The following TGFBR3 variants were observed in gnomAD, a reference collection of about 807,000 sequenced individuals.
TGFBR3 encodes the protein transforming growth factor beta receptor type 3.
TGFBR3 carries 46 observed loss-of-function variants against 87.9 expected under a neutral mutation model. The observed-to-expected ratio is 0.52, with a 90% confidence interval of 0.41 to 0.67. The LOEUF (loss-of-function observed/expected upper bound fraction) is 0.67. TGFBR3 is among the 30% of genes least tolerant of loss of function. The pLI is 0.00. For missense variants in TGFBR3, 866 were observed against 1,041.9 expected (o/e 0.83, Z 2.32); for synonymous variants, 381 against 391.6 (o/e 0.97, Z 0.32).
chr1:91,790,125 G>A (rs924103920), intron 3 of TGFBR3, among the ~76,000 whole-genome samples: 1 of 152,166 alleles, frequency 6.6e-6, no homozygotes, highest in African/African-American at 2.4e-5. Flanking sequence ...AAATAGTACA[G>A]GCATGGGCCA....
intron 4 of TGFBR3, among the ~76,000 whole-genome samples, chr1:91,746,294 AAACT>A (rs1181337429): frequency 1.3e-5 from 2 of 152,238 alleles, no homozygotes; most frequent in Middle Eastern, 3.2e-3. Context: ...TCTAAAAAAC[AAACT>A]AAGTCCCCAC....
Position 91,861,657 on chromosome 1 carries a change from T to C in TGFBR3, c.-113-13A>G. The C allele has an allele frequency of 1.4e-6, 1 of 730,556 alleles. No individual in the cohort carries two copies. Among genetic ancestry groups the C allele is most frequent in the East Asian group, 2.7e-5 (1 of 36,858 alleles). 45.3% of individuals were successfully genotyped at this position (730,556 alleles called of 1,614,324 possible). ...ATTTTCAAACTGCCTGTAAAACAAA[T>C]TTCAATAAGAAAACTTAATGAAGAA... On this transcript the variant is annotated splice_polypyrimidine_tract_variant and intron_variant, in intron 1 of 16. Coordinates refer to ENST00000212355, the MANE Select transcript of TGFBR3 (RefSeq NM_003243.5).
chr1:91,757,519 A>G (rs1673789437), intron 4 of TGFBR3, among the ~76,000 whole-genome samples: 1 of 152,214 alleles, frequency 6.6e-6, no homozygotes, highest in African/African-American at 2.4e-5. Context: ...TAGATTTAGC[A>G]TCTGTTGATA....
intron 13 of TGFBR3, among the ~76,000 whole-genome samples, chr1:91,711,717 T>C (rs12117058): frequency 0.37 from 56,895 of 152,040 alleles, 11,091 homozygotes; most frequent in Non-Finnish European, 0.44. Context: ...GTTATGGCAA[T>C]AGAACATTCA....
At position 91,768,263 on chromosome 1, in the gene TGFBR3, T is replaced by G. The variant is rs284185; in HGVS notation, c.247-9513A>C. On this transcript the variant is annotated intron_variant, in intron 3 of 16. Coordinates refer to ENST00000212355, the MANE Select transcript of TGFBR3 (RefSeq NM_003243.5). Reference sequence around the variant, plus strand: ...TTGTGTCCAGAGGATATTACTGACCTATGTCCTGTTGACCCATCTCTTACA... The same window carrying G: ...TTGTGTCCAGAGGATATTACTGACCGATGTCCTGTTGACCCATCTCTTACA... Among the ~76,000 whole-genome samples, 3 of 151,308 alleles carry G rather than the reference T, an allele frequency of 2.0e-5. No homozygotes were observed. In the East Asian group the frequency reaches 5.8e-4, roughly 29 times the overall value.
chr1:91,858,167 A>C (rs2634024), intron 2 of TGFBR3, among the ~76,000 whole-genome samples: 19,877 of 152,136 alleles, frequency 0.13, 1,651 homozygotes, highest in East Asian at 0.4. Context: ...ATGTAAAGAA[A>C]TTTGGGGCCT....
intron 4 of TGFBR3, among the ~76,000 whole-genome samples, chr1:91,737,837 T>C (rs1307450351): frequency 2.0e-5 from 3 of 152,196 alleles, no homozygotes; most frequent in East Asian, 3.9e-4. Flanking sequence ...TCTCCAGGTA[T>C]GGTCTGAGAA....
chr1:91,728,256 A>C (rs1672616640), intron 6 of TGFBR3, among the ~76,000 whole-genome samples: 1 of 151,534 alleles, frequency 6.6e-6, no homozygotes, highest in Admixed American at 6.6e-5. Context: ...GGATAAGGGA[A>C]GCATGGTGGT....
upstream of TGFBR3, among the ~76,000 whole-genome samples, chr1:91,887,469 T>C (rs992821733): frequency 6.6e-6 from 1 of 151,998 alleles, no homozygotes; most frequent in Non-Finnish European, 1.5e-5. Context: ...TCTCACTTAG[T>C]TGCCCAGGCT....
At chr1:91,692,513 G>GA (rs1671300068) in intron 16 of TGFBR3, among the ~76,000 whole-genome samples, 1 of 151,958 alleles carries the variant, frequency 6.6e-6, no homozygotes, top group African/African-American at 2.4e-5. Flanking sequence ...CTCCCTTCAA[G>GA]AAAAAAACAG....
At position 91,708,764 on chromosome 1, in the gene TGFBR3, G is replaced by C; in HGVS notation, c.2186C>G (p.Ala729Gly). 1 of 1,613,986 alleles carries C rather than the reference G, an allele frequency of 6.2e-7. No individual in the cohort carries two copies. Among genetic ancestry groups the C allele is most frequent in the Non-Finnish European group, 8.5e-7 (1 of 1,179,978 alleles). Residue 729 changes from alanine to glycine, a missense_variant, in exon 14 of 17, where the codon GCC becomes GGC. Physicochemically the swap from Ala to Gly is moderately conservative, Grantham distance 60. Transcript: ENST00000212355. ...KLPKCVPPDEACTSLDASIIW... is the reference protein window; with the variant it reads ...KLPKCVPPDEGCTSLDASIIW... The stretch of plus-strand genomic sequence containing the variant: ...TATCGAGGCGTCCAGCGAGGTGCAG[G>C]CTTCGTCAGGAGGCACACACTGCAG...
intron 1 of TGFBR3, among the ~76,000 whole-genome samples, chr1:91,900,852 G>A (rs1679699677): frequency 6.6e-6 from 1 of 152,112 alleles, no homozygotes; most frequent in Non-Finnish European, 1.5e-5. Context: ...TGCCTATCTT[G>A]AAAAAGCAAA....
chr1:91,806,334 C>T (rs1337913448), intron 2 of TGFBR3, among the ~76,000 whole-genome samples: 2 of 152,156 alleles, frequency 1.3e-5, no homozygotes, highest in Non-Finnish European at 2.9e-5. Flanking sequence ...TCCCTGCTGG[C>T]GGTGGGCCAG....
chr1:91,904,858 GC>G (rs1557769861), intron 1 of TGFBR3, among the ~76,000 whole-genome samples: 1 of 151,942 alleles, frequency 6.6e-6, no homozygotes, highest in African/African-American at 2.4e-5. Context: ...GAGCCACCGC[GC>G]CCGGCCTAAT....
At chr1:91,888,207 C>G (rs1355668998), upstream of TGFBR3, among the ~76,000 whole-genome samples, 1 of 152,210 alleles carries the variant, frequency 6.6e-6, no homozygotes, top group Non-Finnish European at 1.5e-5. Flanking sequence ...TCCTCCTTAC[C>G]TTCTGCCATG....
intron 2 of TGFBR3, among the ~76,000 whole-genome samples, chr1:91,891,472 T>A (rs1336189707): frequency 6.6e-6 from 1 of 150,586 alleles, no homozygotes; most frequent in African/African-American, 2.4e-5. Flanking sequence ...TACTCCAGCC[T>A]GGGCAACAGA....
At chr1:91,841,793 CAA>C (rs57953815) in intron 2 of TGFBR3, among the ~76,000 whole-genome samples, 2,015 of 88,696 alleles carry the variant, frequency 0.023, 47 homozygotes, top group African/African-American at 0.07. Flanking sequence ...GACTCCATCT[CAA>C]AAAAAAAAAA....
At chr1:91,780,702 G>C (rs1674729529) in intron 3 of TGFBR3, among the ~76,000 whole-genome samples, 1 of 151,656 alleles carries the variant, frequency 6.6e-6, no homozygotes. Flanking sequence ...TGAGAATACA[G>C]GCATGCGTCA....
chr1:91,843,530 A>G (rs1677367042), intron 2 of TGFBR3, among the ~76,000 whole-genome samples: 1 of 152,250 alleles, frequency 6.6e-6, no homozygotes, highest in African/African-American at 2.4e-5. Context: ...AGCAGTCCAA[A>G]CTAGGTAAGT....
Sources: gnomAD v4.1 joint callset for allele counts (sites outside exome capture counted in the v4.1 genomes callset) on GRCh38, gnomAD v4.1.1 for gene constraint, MANE v1.5 for transcripts, NCBI Gene and HGNC (gene_info 2026-07-23, HGNC 2026-07-21) for gene names.